The following TRAF3 variants were observed in gnomAD, a reference collection of about 807,000 sequenced individuals.
TRAF3 encodes the protein TNF receptor associated factor 3.
In TRAF3, 13 loss-of-function variants were observed where a neutral mutation model predicts 62.3. The observed-to-expected ratio is 0.21, with a 90% CI of 0.14 to 0.33. The LOEUF (loss-of-function observed/expected upper bound fraction) is 0.33. Among genes scored for constraint, TRAF3 ranks in the 10% least tolerant of loss-of-function variants. TRAF3 has a pLI of 1.00. For synonymous variants in TRAF3, 269 were observed against 283.4 expected, an observed-to-expected ratio of 0.95 and a Z score of 0.51; for missense variants, 440 against 741.8, an observed-to-expected ratio of 0.59 and a Z score of 4.73.
At chr14:102,884,191 T>C (rs1245849544) in intron 6 of TRAF3, among the ~76,000 whole-genome samples, 1 of 152,210 alleles carries the variant, frequency 6.6e-6, no homozygotes, top group Non-Finnish European at 1.5e-5. Context: ...CAGCAGTCCT[T>C]GGCCTTCCTT....
chr14:102,839,158 G>A lies in TRAF3; in HGVS notation c.-18+8686G>A, dbSNP rs536622076. Among the ~76,000 whole-genome samples the A allele has an allele frequency of 2.8e-3, 408 of 147,380 alleles. 3 individuals carry two copies. The highest frequency in any genetic ancestry group is 2.6e-3 in the Non-Finnish European group (174 of 67,356). On this transcript the variant is annotated intron_variant, in intron 2 of 11. Transcript: ENST00000392745. ...CCTACAAAATGAGCAGGCTAATTTC[G>A]AACGGATGCTAATCCTGCAAAACCA...
In TRAF3 at chr14:102,910,206, G is replaced by A. The variant is rs975028925; in HGVS notation, c.*4422G>A. 6.6e-6 allele frequency: 1 copy of A among 152,216 alleles called. No homozygotes were observed. Among genetic ancestry groups the A allele is most frequent in the African/African-American group, 2.4e-5 (1 of 41,466 alleles). The allele number at this position is 152,216 out of a possible 1,614,324, so 9.4% of individuals were successfully genotyped here. On this transcript the variant is annotated 3_prime_UTR_variant, in exon 12 of 12. Transcript: ENST00000392745. ...CCTCCCAGACTCCTCCCTCTACTGG[G>A]GGTAATTTGTGTGTCAGAAGGGCTC...
intron 2 of TRAF3, among the ~76,000 whole-genome samples, chr14:102,850,616 C>A (rs1016786904): frequency 1.4e-5 from 2 of 144,810 alleles, no homozygotes; most frequent in African/African-American, 5.3e-5. Context: ...ATCGTTTGAA[C>A]CTGGGAGGCG....
chr14:102,814,298 A>T (rs1479265322), intron 1 of TRAF3, among the ~76,000 whole-genome samples: 2 of 152,094 alleles, frequency 1.3e-5, no homozygotes, highest in Non-Finnish European at 2.9e-5. Flanking sequence ...GACACATACC[A>T]GTTGTTTTAT....
intron 2 of TRAF3, among the ~76,000 whole-genome samples, chr14:102,838,675 C>G (rs139948142): frequency 6.6e-6 from 1 of 152,122 alleles, no homozygotes; most frequent in Non-Finnish European, 1.5e-5. Context: ...ACAGTCGTTG[C>G]GGCTGGAGCA....
chr14:102,870,954 A>G (rs536200044), intron 3 of TRAF3, among the ~76,000 whole-genome samples: 34 of 152,354 alleles, frequency 2.2e-4, no homozygotes, highest in South Asian at 1.0e-3. Flanking sequence ...GCTGAGTGCC[A>G]GTGCTGGTAC....
At chr14:102,778,462 T>C (rs759936026) in intron 1 of TRAF3, among the ~76,000 whole-genome samples, 10 of 152,232 alleles carry the variant, frequency 6.6e-5, no homozygotes, top group Non-Finnish European at 1.0e-4. Flanking sequence ...TGAGGTGTTA[T>C]GGACGTGCTT....
Position 102,871,968 on chromosome 14 carries a change from G to A in TRAF3, c.297G>A (p.Lys99=). ...GTCAAGAGAGCATCGTTAAAGATAA[G>A]GTATTCTGGGGTTTTTTTTAATCAT... ...TACQESIVKD[K]VFKDNCCKRE... The change falls in exon 4 of 12, where the codon AAG becomes AAA. Residue 99 remains lysine, a splice_region_variant and synonymous_variant. Coordinates refer to ENST00000392745, the MANE Select transcript of TRAF3 (RefSeq NM_145725.3). 6.2e-7 allele frequency: 1 copy of A among 1,614,086 alleles called. No individual in the cohort carries two copies. The highest frequency in any genetic ancestry group is 8.5e-7 in the Non-Finnish European group (1 of 1,179,950).
At chr14:102,877,943 A>G (rs1888810751) in intron 6 of TRAF3, among the ~76,000 whole-genome samples, 2 of 152,268 alleles carry the variant, frequency 1.3e-5, no homozygotes, top group African/African-American at 4.8e-5. Context: ...TCCACTGTAC[A>G]GCTTCTTAAA....
intron 2 of TRAF3, among the ~76,000 whole-genome samples, chr14:102,842,465 G>A (rs1025897508): frequency 6.6e-6 from 1 of 151,928 alleles, no homozygotes; most frequent in Non-Finnish European, 1.5e-5. Context: ...TCCAGACTGC[G>A]CGAGATCACA....
intron 1 of TRAF3, among the ~76,000 whole-genome samples, chr14:102,825,013 G>T (rs1438215290): frequency 1.3e-5 from 2 of 152,230 alleles, no homozygotes. Flanking sequence ...CATGTGGTTT[G>T]TAGGATAGGT....
At chr14:102,871,381 C>T (rs1367032665) in intron 3 of TRAF3, among the ~76,000 whole-genome samples, 1 of 152,230 alleles carries the variant, frequency 6.6e-6, no homozygotes, top group African/African-American at 2.4e-5. Context: ...AACACAAGAG[C>T]CTGGACTACA....
intron 2 of TRAF3, among the ~76,000 whole-genome samples, chr14:102,840,180 A>G (rs1261637291): frequency 6.6e-6 from 1 of 152,212 alleles, no homozygotes; most frequent in African/African-American, 2.4e-5. Context: ...AGTGCTTTAA[A>G]AAAATCAAAT....
intron 2 of TRAF3, among the ~76,000 whole-genome samples, chr14:102,856,057 A>G (rs1887346199): frequency 7.1e-6 from 1 of 140,158 alleles, no homozygotes; most frequent in Non-Finnish European, 1.5e-5. Flanking sequence ...ACACCACTGC[A>G]CTCCATCCAG....
rs188520169 is a variant in TRAF3, at chr14:102,802,608, C to T, written c.-157+24933C>T. On this transcript the variant is annotated intron_variant, in intron 1 of 11. Transcript: ENST00000392745. ...CTTTGGGAGGTCGAGGTGGGAGGATCATGAGGTCAGGAGTTCAAGACCAGC... is the reference window on the plus strand; with the variant it reads ...CTTTGGGAGGTCGAGGTGGGAGGATTATGAGGTCAGGAGTTCAAGACCAGC... Among the ~76,000 whole-genome samples the T allele has an allele frequency of 5.2e-3, 782 of 151,536 alleles. 4 individuals are homozygous for T. Among genetic ancestry groups the T allele is most frequent in the Middle Eastern group, 0.031 (9 of 292 alleles).
rs2140021530 is a variant in TRAF3 at position 102,908,176 on chromosome 14, C to T, written c.*2392C>T. 1 of 152,460 alleles carries T rather than the reference C, an allele frequency of 6.6e-6. No homozygotes were observed. Among genetic ancestry groups the T allele is most frequent in the African/African-American group, 2.4e-5 (1 of 41,602 alleles). The allele number at this position is 152,460 out of a possible 1,614,324, so 9.4% of individuals were successfully genotyped here. ...AGCAGTGCGTGTCACTGGGACGTCT[C>T]CAGTAGCCCTTCCCAGGCAGACGCT... On this transcript the variant is annotated 3_prime_UTR_variant, in exon 12 of 12. Coordinates refer to ENST00000392745, the MANE Select transcript of TRAF3 (RefSeq NM_145725.3).
At chr14:102,786,293 T>C (rs1180386025) in intron 1 of TRAF3, among the ~76,000 whole-genome samples, 3 of 152,190 alleles carry the variant, frequency 2.0e-5, no homozygotes, top group Non-Finnish European at 2.9e-5. Context: ...TCGCACAACA[T>C]TATGAATGTA....
intron 4 of TRAF3, among the ~76,000 whole-genome samples, chr14:102,873,056 C>G (rs1888434038): frequency 6.6e-6 from 1 of 152,154 alleles, no homozygotes; most frequent in Admixed American, 6.5e-5. Flanking sequence ...AGTAATATAC[C>G]TAACCATTTT....
intron 2 of TRAF3, among the ~76,000 whole-genome samples, chr14:102,841,102 C>T (rs1446357037): frequency 3.9e-5 from 6 of 152,132 alleles, no homozygotes; most frequent in East Asian, 1.9e-4. Flanking sequence ...TAGTTTGTCT[C>T]GAGAGGCAGT....
Sources: gnomAD v4.1 joint callset for allele counts (sites outside exome capture counted in the v4.1 genomes callset) on GRCh38, gnomAD v4.1.1 for gene constraint, MANE v1.5 for transcripts, NCBI Gene and HGNC (gene_info 2026-07-23, HGNC 2026-07-21) for gene names.